Variants in ZNF569 observed in about 807,000 individuals in gnomAD.
ZNF569 encodes DNA-binding protein.
Under a neutral mutation model 56.3 loss-of-function variants are expected in ZNF569, and 38 were observed. That is an observed-to-expected ratio of 0.68 (90% confidence interval 0.52 to 0.88). The LOEUF is 0.88. Ranked by LOEUF, ZNF569 falls within the 40% of genes least tolerant of loss-of-function variation. The probability of loss-of-function intolerance (pLI) is 0.00; values close to 1 mark genes in which losing one functional copy is unlikely to be tolerated. For synonymous variants in ZNF569, 241 were observed against 262.9 expected, an observed-to-expected ratio of 0.92 and a Z score of 0.81; for missense variants, 666 against 809.2, an observed-to-expected ratio of 0.82 and a Z score of 2.15.
chr19:37,428,050 C>T (rs1167331058), intron 3 of ZNF569, among the ~76,000 whole-genome samples: 1 of 152,100 alleles, frequency 6.6e-6, no homozygotes, highest in Non-Finnish European at 1.5e-5. Context: ...AAAGATTTTA[C>T]AAGAAAATCC....
intron 5 of ZNF569, among the ~76,000 whole-genome samples, chr19:37,422,118 T>C (rs1446354645): frequency 6.6e-6 from 1 of 152,188 alleles, no homozygotes; most frequent in African/African-American, 2.4e-5. Flanking sequence ...AAGGCTTTGC[T>C]TTTGGTCTAT....
chr19:37,464,755 C>T (rs537063763), intron 2 of ZNF569, among the ~76,000 whole-genome samples: 10 of 152,176 alleles, frequency 6.6e-5, no homozygotes, highest in Non-Finnish European at 1.3e-4. Flanking sequence ...CATCATTAAG[C>T]AACACAATTG....
At chr19:37,451,372 CCTGGGTG>C (rs2041590231) in intron 2 of ZNF569, among the ~76,000 whole-genome samples, 1 of 148,942 alleles carries the variant, frequency 6.7e-6, no homozygotes, top group Non-Finnish European at 1.5e-5. Flanking sequence ...TGCACTCCAG[CCTGGGTG>C]ACAGAGCAAG....
At chr19:37,415,818 T>C (rs1317531064) in intron 5 of ZNF569, among the ~76,000 whole-genome samples, 1 of 150,252 alleles carries the variant, frequency 6.7e-6, no homozygotes, top group Non-Finnish European at 1.5e-5. Context: ...AGGTAGAGGT[T>C]GCGGTGAGCC....
intron 3 of ZNF569, among the ~76,000 whole-genome samples, chr19:37,427,027 G>T (rs1465444855): frequency 6.6e-6 from 1 of 152,200 alleles, no homozygotes; most frequent in Non-Finnish European, 1.5e-5. Flanking sequence ...TTAAAAAGCT[G>T]TAGAATGGCT....
intron 2 of ZNF569, among the ~76,000 whole-genome samples, chr19:37,448,558 T>A (rs1025409515): frequency 7.7e-5 from 5 of 65,204 alleles, no homozygotes; most frequent in South Asian, 9.3e-4. Context: ...GCTGTAATCT[T>A]TTTTTTTTTT....
rs1374784536 is a variant in ZNF569 at position 37,421,324 on chromosome 19, G to T, written c.238+4544C>A. Among the ~76,000 whole-genome samples, 3 of 152,286 alleles carry T rather than the reference G, an allele frequency of 2.0e-5. No individual in the cohort carries two copies. The East Asian group carries it at 5.8e-4, about 29-fold the overall frequency. On this transcript the variant is annotated intron_variant, in intron 5 of 5. Transcript: ENST00000316950. ...AGCCACTGACTTCACCTCTCTAGCT[G>T]TGAAAGTCCTAGATGGCATCTTCTT...
chr19:37,427,774 G>T (rs760064476), intron 3 of ZNF569: 2 of 515,258 alleles, frequency 3.9e-6, no homozygotes, highest in African/African-American at 3.9e-5. Context: ...AAATCCAGGG[G>T]TTTTTAATAT....
intron 5 of ZNF569, among the ~76,000 whole-genome samples, chr19:37,417,627 A>G (rs2040956094): frequency 6.6e-6 from 1 of 152,220 alleles, no homozygotes; most frequent in Admixed American, 6.5e-5. Flanking sequence ...AAGGCATTAA[A>G]GCATTTTAGA....
Position 37,437,884 on chromosome 19 carries a change from A to G in ZNF569, c.15+7023T>C, listed in dbSNP as rs560790268. Among the ~76,000 whole-genome samples the G allele has an allele frequency of 6.6e-5, 8 of 121,482 alleles. 1 individual carries two copies. In the South Asian group the frequency reaches 2.0e-3, roughly 30 times the overall value. The allele number at this position is 121,482 out of a possible 152,430, so 79.7% of individuals were successfully genotyped here. On this transcript the variant is annotated intron_variant, in intron 3 of 5. Coordinates refer to ENST00000316950, the MANE Select transcript of ZNF569 (RefSeq NM_152484.3). ...GGTTGGAAGGATCAATATTGTTAAA[A>G]TGTTCATACTACCTAAAGCAATCTA...
At chr19:37,442,108 G>A (rs1309400436) in intron 3 of ZNF569, among the ~76,000 whole-genome samples, 1 of 152,206 alleles carries the variant, frequency 6.6e-6, no homozygotes, top group African/African-American at 2.4e-5. Context: ...GCCTCTTGGA[G>A]CTTAGATTCT....
chr19:37,453,437 AC>A (rs548475028), intron 2 of ZNF569, among the ~76,000 whole-genome samples: 4 of 151,938 alleles, frequency 2.6e-5, no homozygotes, highest in South Asian at 4.2e-4. Flanking sequence ...TGCTGATGTC[AC>A]CCCCCACTCC....
chr19:37,459,899 A>G (rs1412472093), intron 2 of ZNF569, among the ~76,000 whole-genome samples: 1 of 152,214 alleles, frequency 6.6e-6, no homozygotes, highest in East Asian at 1.9e-4. Context: ...TAGATTACTT[A>G]AAAATACACA....
Position 37,467,248 on chromosome 19 carries a change from C to T in ZNF569, c.-369G>A, listed in dbSNP as rs546613437. On this transcript the variant is annotated 5_prime_UTR_variant, in exon 1 of 6. Coordinates refer to ENST00000316950, the MANE Select transcript of ZNF569 (RefSeq NM_152484.3). Reference sequence around the variant, plus strand: ...CAGGGGCGACGCTTCCCAGAGGCCCCCGCGGCTCACCCGGGCGGGACTGGC... The same window carrying T: ...CAGGGGCGACGCTTCCCAGAGGCCCTCGCGGCTCACCCGGGCGGGACTGGC... 1 of 152,474 alleles carries T rather than the reference C, an allele frequency of 6.6e-6. No homozygotes were observed. The highest frequency in any genetic ancestry group is 2.1e-4 in the South Asian group (1 of 4,840). 9.4% of individuals were successfully genotyped at this position (152,474 alleles called of 1,614,324 possible).
chr19:37,413,000 T>C lies in ZNF569; in HGVS notation c.1658A>G (p.Asp553Gly), dbSNP rs764439173. 1 of 1,613,718 alleles carries C rather than the reference T, an allele frequency of 6.2e-7. No homozygotes were observed. Among genetic ancestry groups the C allele is most frequent in the Non-Finnish European group, 8.5e-7 (1 of 1,179,880 alleles). Reference protein sequence around the residue: ...SHTGEKPYECDKCGKAFSQCS... With the variant: ...SHTGEKPYECGKCGKAFSQCS... The stretch of plus-strand genomic sequence containing the variant: ...CTGAGAGAAGGCTTTACCACATTTA[T>C]CACATTCATAAGGCTTTTCCCCTGT... The change falls in exon 6 of 6, where the codon GAT (aspartate) becomes GGT (glycine). Residue 553 changes from aspartate (D) to glycine (G), a missense_variant. Coordinates refer to ENST00000316950, the MANE Select transcript of ZNF569 (RefSeq NM_152484.3).
intron 3 of ZNF569, among the ~76,000 whole-genome samples, chr19:37,429,303 A>C (rs2041187727): frequency 6.6e-6 from 1 of 152,194 alleles, no homozygotes; most frequent in Non-Finnish European, 1.5e-5. Context: ...GACTTACCAG[A>C]GTCGAGAGCA....
intron 2 of ZNF569, among the ~76,000 whole-genome samples, chr19:37,450,068 T>C (rs1222379408): frequency 2.0e-5 from 3 of 152,202 alleles, no homozygotes; most frequent in Non-Finnish European, 4.4e-5. Flanking sequence ...TTTTCTAGTA[T>C]TTTGTTGGGG....
At chr19:37,414,935 G>A (rs2040903249) in intron 5 of ZNF569, among the ~76,000 whole-genome samples, 1 of 151,718 alleles carries the variant, frequency 6.6e-6, no homozygotes, top group South Asian at 2.1e-4. Flanking sequence ...AAACAAAAAG[G>A]AAAAACCCAG....
Position 37,414,389 on chromosome 19 carries a change from T to C in ZNF569, c.269A>G (p.Lys90Arg). 1.9e-6 allele frequency: 3 copies of C among 1,600,204 alleles called. No individual in the cohort carries two copies. The highest frequency in any genetic ancestry group is 2.6e-6 in the Non-Finnish European group (3 of 1,174,782). Residue 90 changes from lysine to arginine, a missense_variant, in exon 6 of 6, where the codon AAA (lysine) becomes AGA (arginine). Transcript: ENST00000316950. Reference protein sequence around the residue: ...GEIWGVDEHQKNQDRLLRQVE... With the variant: ...GEIWGVDEHQRNQDRLLRQVE... ...TTGTCTCAAAAGTCTGTCCTGGTTT[T>C]TCTGATGCTCATCAACTCCCCATAT...
Sources: gnomAD v4.1 joint callset for allele counts (sites outside exome capture counted in the v4.1 genomes callset) on GRCh38, gnomAD v4.1.1 for gene constraint, MANE v1.5 for transcripts, NCBI Gene and HGNC (gene_info 2026-07-23, HGNC 2026-07-21) for gene names.